The following RC3H1 variants were observed in gnomAD, a reference collection of about 807,000 sequenced individuals.
The protein encoded by RC3H1 is ring finger and CCCH-type domains 1.
Under a neutral mutation model 138.2 loss-of-function variants are expected in RC3H1, and 50 were observed. That is an observed-to-expected ratio of 0.36 (90% CI 0.29 to 0.46). The LOEUF (loss-of-function observed/expected upper bound fraction) is 0.46. Ranked by LOEUF, RC3H1 falls within the 20% of genes least tolerant of loss-of-function variation. RC3H1 has a pLI of 1.00. For missense variants in RC3H1, 1,031 were observed against 1,388.1 expected (o/e 0.74, Z 4.09); for synonymous variants, 462 against 489.1 (o/e 0.94, Z 0.73).
At chr1:173,946,314 C>T (rs1227449811) in intron 17 of RC3H1, among the ~76,000 whole-genome samples, 162 bp downstream of exon 17, 1 of 152,102 alleles carries the variant, frequency 6.6e-6, no homozygotes. Context: ...TCTGTTGTCC[C>T]AGAGCTAAAT....
intron 13 of RC3H1, among the ~76,000 whole-genome samples, chr1:173,956,667 TAAA>T (rs75866304): frequency 2.4e-5 from 2 of 84,912 alleles, no homozygotes; most frequent in Admixed American, 1.3e-4. Context: ...CTCAAAAAAT[TAAA>T]AAAAAAAAAA....
chr1:174,020,837 C>T (rs1047294960), intron 1 of RC3H1, among the ~76,000 whole-genome samples: 3 of 151,960 alleles, frequency 2.0e-5, no homozygotes, highest in African/African-American at 7.3e-5. Context: ...GGTGAAACCC[C>T]GTCTCTACTA....
chr1:173,978,702 G>T, intron 6 of RC3H1, 82 bp from the exon 7 acceptor site: 1 of 1,407,696 alleles, frequency 7.1e-7, no homozygotes, highest in Non-Finnish European at 9.5e-7. Flanking sequence ...AATCATTTTT[G>T]CGATTTATTA....
At position 173,964,996 on chromosome 1, in the gene RC3H1, T is replaced by G; in HGVS notation, c.1459A>C (p.Ser487Arg). 6.2e-7 allele frequency: 1 copy of G among 1,614,128 alleles called. No homozygotes were observed. Among genetic ancestry groups the G allele is most frequent in the South Asian group, 1.1e-5 (1 of 91,084 alleles). ...LPDEGAVDLPSRKPPALPNGI... is the reference protein window; with the variant it reads ...LPDEGAVDLPRRKPPALPNGI... ...TTTGGCAGAGCAGGAGGTTTTCTGC[T>G]AGGGAGATCCACTGCACCTTCATCT... Residue 487 changes from serine (S) to arginine (R), a missense_variant, in exon 10 of 20, where the codon AGC (serine) becomes CGC (arginine). This residue lies in a region of RC3H1 where 716 missense variants were observed against 837.9 expected (regional missense o/e 0.85). Coordinates refer to ENST00000367696, the MANE Select transcript of RC3H1 (RefSeq NM_172071.4).
chr1:174,022,034 C>G lies in RC3H1; in HGVS notation c.-151+62G>C. 1 of 393,370 alleles carries G rather than the reference C, an allele frequency of 2.5e-6. No individual in the cohort carries two copies. Among genetic ancestry groups the G allele is most frequent in the Non-Finnish European group, 4.5e-6 (1 of 223,148 alleles). 24.4% of individuals were successfully genotyped at this position (393,370 alleles called of 1,614,324 possible). A position where few individuals can be genotyped will look rare whatever the true frequency, so the allele number is the denominator to read the frequency against. On this transcript the variant is annotated intron_variant, in intron 1 of 19. Transcript: ENST00000367696. The surrounding 1 kb of genome is among the most constrained non-coding windows in gnomAD (Gnocchi z 4.2). ...TTCCCGACCACAGCTGCCTATTGTT[C>G]CCGACTGAGGCCCCGGCCGCGGCAG...
intron 1 of RC3H1, among the ~76,000 whole-genome samples, chr1:174,013,916 A>G (rs1404934555): frequency 3.9e-5 from 6 of 152,108 alleles, no homozygotes; most frequent in African/African-American, 1.2e-4. Flanking sequence ...AAAGAAGAAG[A>G]TACTGACGAA....
intron 9 of RC3H1, chr1:173,969,190 T>G (rs1660247668): frequency 6.6e-6 from 1 of 152,010 alleles, no homozygotes; most frequent in Non-Finnish European, 1.5e-5. Context: ...CAAAGGCCTT[T>G]GGCATTTTTT....
chr1:174,019,669 C>T (rs1481900850), intron 1 of RC3H1, among the ~76,000 whole-genome samples: 1 of 152,036 alleles, frequency 6.6e-6, no homozygotes, highest in Non-Finnish European at 1.5e-5. Flanking sequence ...AATTCTTAAG[C>T]TCTGGTTCCA....
At chr1:173,974,794 G>A (rs555569904) in intron 7 of RC3H1, among the ~76,000 whole-genome samples, 3 of 152,174 alleles carry the variant, frequency 2.0e-5, no homozygotes. Flanking sequence ...TATGAGCAGA[G>A]GGTGACAGGG....
chr1:173,986,938 T>C (rs1463792642), intron 2 of RC3H1, among the ~76,000 whole-genome samples: 1 of 152,180 alleles, frequency 6.6e-6, no homozygotes. Flanking sequence ...CTTGACAGTT[T>C]TGAGGAGCAC....
chr1:174,009,647 C>G (rs1571242199), intron 1 of RC3H1, among the ~76,000 whole-genome samples: 1 of 152,048 alleles, frequency 6.6e-6, no homozygotes, highest in Non-Finnish European at 1.5e-5. Flanking sequence ...AAGACCAGCC[C>G]GGCCAACATG....
At chr1:174,002,614 T>C (rs909291731) in intron 1 of RC3H1, among the ~76,000 whole-genome samples, 1 of 152,218 alleles carries the variant, frequency 6.6e-6, no homozygotes, top group Non-Finnish European at 1.5e-5. Context: ...CCACCACTAT[T>C]GTGGAATAAT....
intron 7 of RC3H1, among the ~76,000 whole-genome samples, chr1:173,974,722 C>G (rs1382823550): frequency 6.6e-6 from 1 of 152,028 alleles, no homozygotes; most frequent in Non-Finnish European, 1.5e-5. Context: ...ACATGAGGCC[C>G]TATAGATCAT....
chr1:173,958,021 T>C (rs1473107705), intron 13 of RC3H1, among the ~76,000 whole-genome samples: 1 of 152,226 alleles, frequency 6.6e-6, no homozygotes, highest in Non-Finnish European at 1.5e-5. Context: ...CCCAACAAGA[T>C]ACTATTTACT....
intron 1 of RC3H1, among the ~76,000 whole-genome samples, chr1:173,998,562 A>G (rs1292194105): frequency 6.6e-6 from 1 of 152,212 alleles, no homozygotes; most frequent in Admixed American, 6.5e-5. Flanking sequence ...GAGTGCTCAC[A>G]GAAAACACTG....
At chr1:173,958,461 G>T (rs1288322870) in intron 13 of RC3H1, among the ~76,000 whole-genome samples, 2 of 151,746 alleles carry the variant, frequency 1.3e-5, no homozygotes, top group Admixed American at 1.3e-4. Context: ...CAGGAGAATC[G>T]CTTGAACCCA....
chr1:173,946,436 C>T, intron 17 of RC3H1, 40 bp downstream of exon 17: 1 of 1,584,392 alleles, frequency 6.3e-7, no homozygotes, highest in Non-Finnish European at 8.6e-7. Flanking sequence ...CTCTGAGAAC[C>T]CTTCAAAAAT....
At chr1:173,970,789 A>T (rs1557935448) in intron 8 of RC3H1, among the ~76,000 whole-genome samples, 172 bp from the exon 9 acceptor site, 1 of 152,212 alleles carries the variant, frequency 6.6e-6, no homozygotes, top group Non-Finnish European at 1.5e-5. Flanking sequence ...CAAAGTCCAA[A>T]TATAAATAAA....
At chr1:173,956,602 T>G (rs1282802864) in intron 13 of RC3H1, among the ~76,000 whole-genome samples, 1 of 145,780 alleles carries the variant, frequency 6.9e-6, no homozygotes, top group Non-Finnish European at 1.5e-5. Flanking sequence ...GAGTTTGCGG[T>G]GAGCCGAGAT....
Sources: allele counts gnomAD v4.1 joint callset (sites outside exome capture counted in the v4.1 genomes callset), GRCh38; gene constraint gnomAD v4.1.1; regional missense constraint gnomAD v4.1.1; non-coding constraint Gnocchi (gnomAD v3.1); transcripts MANE v1.5; gene names NCBI Gene and HGNC (gene_info 2026-07-23, HGNC 2026-07-21).